The following NCALD variants were observed in gnomAD, a reference collection of about 807,000 sequenced individuals.
NCALD encodes neurocalcin delta.
In NCALD, 10 loss-of-function variants were observed where a neutral mutation model predicts 18.6. The ratio of observed to expected loss-of-function variants is 0.54; its 90% confidence interval spans 0.33 to 0.91. NCALD has a LOEUF of 0.91. NCALD is among the 40% of genes least tolerant of loss of function. The pLI, the probability that NCALD is intolerant of heterozygous loss-of-function variation, is 0.03. For missense variants in NCALD, 184 were observed against 247.6 expected (o/e 0.74, Z 1.72); for synonymous variants, 88 against 87.4 (o/e 1.01, Z -0.04).
At chr8:102,050,956 A>G (rs1416272036) in intron 1 of NCALD, among the ~76,000 whole-genome samples, 1 of 148,082 alleles carries the variant, frequency 6.8e-6, no homozygotes, top group Non-Finnish European at 1.5e-5. Context: ...TATAATTTAT[A>G]TATACAAAAA....
chr8:101,975,862 TCACTCTCCAA>T (rs1820402686), intron 2 of NCALD, among the ~76,000 whole-genome samples: 1 of 152,186 alleles, frequency 6.6e-6, no homozygotes, highest in Admixed American at 6.5e-5. Context: ...TATTTCACCT[TCACTCTCCAA>T]CCTATTCTAC....
intron 1 of NCALD, among the ~76,000 whole-genome samples, chr8:102,112,390 CT>C (rs1444006781): frequency 1.3e-5 from 2 of 152,112 alleles, no homozygotes; most frequent in Non-Finnish European, 2.9e-5. Context: ...AAGGGATGTG[CT>C]TTTTCCAGCA....
intron 4 of NCALD, chr8:101,872,496 G>A (rs1253590598): frequency 1.3e-6 from 1 of 779,624 alleles, no homozygotes; most frequent in Non-Finnish European, 2.3e-6. Flanking sequence ...TGGGTAAGAT[G>A]CCCTTCTTGT....
At chr8:101,802,932 G>A (rs1249542322) in intron 4 of NCALD, among the ~76,000 whole-genome samples, 2 of 144,326 alleles carry the variant, frequency 1.4e-5, no homozygotes, top group Non-Finnish European at 3.0e-5. Flanking sequence ...GCAACATGAA[G>A]CAGCAAGTGC....
intron 4 of NCALD, among the ~76,000 whole-genome samples, chr8:101,817,297 C>A (rs55966421): frequency 0.075 from 11,376 of 152,210 alleles, 1,424 homozygotes; most frequent in African/African-American, 0.26. Context: ...GCCTGGGAAG[C>A]AGATCAAGCG....
intron 2 of NCALD, among the ~76,000 whole-genome samples, chr8:101,700,435 T>C (rs1364425455): frequency 2.0e-5 from 3 of 152,124 alleles, no homozygotes; most frequent in East Asian, 1.9e-4. Flanking sequence ...CACCTTATTT[T>C]TCAATGATCC....
At position 101,961,217 on chromosome 8, in the gene NCALD, T is replaced by C. The variant is rs574203675; in HGVS notation, c.-156-45359A>G. ...TTGATGAGAATCAAATGAGATAATA[T>C]AAGTAAAATATTTAGCACAGAATCT... On this transcript the variant is annotated intron_variant, in intron 2 of 6. Coordinates refer to the NCALD transcript ENST00000311028. Among the ~76,000 whole-genome samples the C allele has an allele frequency of 3.2e-4, 48 of 152,298 alleles. 1 individual carries two copies. Among genetic ancestry groups the C allele is most frequent in the African/African-American group, 1.1e-3 (47 of 41,572 alleles).
At chr8:101,818,768 G>T (rs1813601376) in intron 4 of NCALD, among the ~76,000 whole-genome samples, 1 of 152,148 alleles carries the variant, frequency 6.6e-6, no homozygotes, top group African/African-American at 2.4e-5. Context: ...CACTTTGGGA[G>T]GCCAAGACAG....
chr8:101,689,481 C>G lies in NCALD; in HGVS notation c.485-75G>C. 6.0e-6 allele frequency: 7 copies of G among 1,176,182 alleles called. No homozygotes were observed. Among genetic ancestry groups the G allele is most frequent in the Non-Finnish European group, 8.6e-6 (7 of 812,172 alleles). 72.9% of individuals were successfully genotyped at this position (1,176,182 alleles called of 1,614,324 possible). ...CTTACACCCTTCCCACTACTGCGTG[C>G]TGGGCAGTGTCGATTCACCTGCCTG... On this transcript the variant is annotated intron_variant, in intron 3 of 3. Transcript: ENST00000220931. This position sits in a 1 kb window ranked among gnomAD's most constrained non-coding sequence, Gnocchi z 4.4.
At chr8:102,006,026 T>A (rs1286707064) in intron 2 of NCALD, among the ~76,000 whole-genome samples, 1 of 147,226 alleles carries the variant, frequency 6.8e-6, no homozygotes, top group African/African-American at 2.5e-5. Flanking sequence ...ACTTAAAGTA[T>A]AATAATAAAA....
At chr8:101,950,697 A>G (rs532134678) in intron 2 of NCALD, among the ~76,000 whole-genome samples, 30 of 152,302 alleles carry the variant, frequency 2.0e-4, no homozygotes, top group Admixed American at 3.9e-4. Flanking sequence ...ACTTGTTCCT[A>G]TTGAAGGTCT....
intron 2 of NCALD, among the ~76,000 whole-genome samples, chr8:101,971,660 G>A (rs1368502996): frequency 6.6e-6 from 1 of 152,062 alleles, no homozygotes; most frequent in Admixed American, 6.6e-5. Flanking sequence ...CCTCAGGTAT[G>A]TCTTTATAGC....
intron 2 of NCALD, among the ~76,000 whole-genome samples, chr8:101,931,830 C>T (rs1343309983): frequency 6.6e-6 from 1 of 152,116 alleles, no homozygotes; most frequent in Non-Finnish European, 1.5e-5. Context: ...TGCTGTTGTT[C>T]TCATTTTACA....
intron 1 of NCALD, among the ~76,000 whole-genome samples, chr8:101,755,077 A>G (rs1436575062): frequency 6.6e-6 from 1 of 152,134 alleles, no homozygotes; most frequent in Non-Finnish European, 1.5e-5. Flanking sequence ...GTGACTGATA[A>G]TTTCTTTGTG....
chr8:101,843,582 G>GTTTGTTTTTT (rs1814735960), intron 4 of NCALD, among the ~76,000 whole-genome samples: 3 of 125,140 alleles, frequency 2.4e-5, no homozygotes, highest in African/African-American at 6.5e-5. Flanking sequence ...TTTAAAAATT[G>GTTTGTTTTTT]TTTTTTTTTT....
intron 4 of NCALD, among the ~76,000 whole-genome samples, chr8:101,848,793 C>T (rs575630475): frequency 2.0e-5 from 3 of 152,206 alleles, no homozygotes; most frequent in East Asian, 1.9e-4. Context: ...TACAACATTG[C>T]TTCTAAGAAT....
chr8:102,073,962 G>C (rs140122826), intron 1 of NCALD, among the ~76,000 whole-genome samples: 77 of 152,288 alleles, frequency 5.1e-4, no homozygotes, highest in Non-Finnish European at 1.0e-4. Context: ...TCGAGTTAGA[G>C]GTTTTGCAGG....
At chr8:101,852,525 A>G (rs986434717) in intron 4 of NCALD, 6 of 152,230 alleles carry the variant, frequency 3.9e-5, no homozygotes, top group African/African-American at 1.4e-4. Flanking sequence ...ACTCACTGCC[A>G]TTCAGTCTCC....
chr8:101,833,611 T>G (rs13271806), intron 4 of NCALD, among the ~76,000 whole-genome samples: 6 of 50,100 alleles, frequency 1.2e-4, no homozygotes, highest in South Asian at 1.2e-3. Flanking sequence ...TTGTTTCTTG[T>G]TTTTTTTTTT....
Sources: gnomAD v4.1 joint callset for allele counts (sites outside exome capture counted in the v4.1 genomes callset) on GRCh38, gnomAD v4.1.1 for gene constraint, Gnocchi (gnomAD v3.1) non-coding constraint, MANE v1.5 for transcripts, NCBI Gene and HGNC (gene_info 2026-07-23, HGNC 2026-07-21) for gene names.